Variants in RBP7 observed in about 807,000 individuals in gnomAD.
RBP7 encodes the protein retinoid-binding protein 7.
In RBP7, 13 loss-of-function variants were observed where a neutral mutation model predicts 16.7. The ratio of observed to expected loss-of-function variants is 0.78; its 90% CI spans 0.51 to 1.24. RBP7 has a LOEUF of 1.24. RBP7 is among the 50% of genes most tolerant of loss of function. The pLI, the probability that RBP7 is intolerant of heterozygous loss-of-function variation, is 0.00. For missense variants in RBP7, 145 were observed against 159.5 expected (o/e 0.91, Z 0.49); for synonymous variants, 54 against 56.2 (o/e 0.96, Z 0.17).
At chr1:10,012,378 C>G (rs1195819889) in intron 3 of RBP7, among the ~76,000 whole-genome samples, 2 of 119,506 alleles carry the variant, frequency 1.7e-5, no homozygotes, top group Non-Finnish European at 3.0e-5. Context: ...AAGACTCTGT[C>G]TCCAAAAAAA....
At chr1:10,014,059 C>T (rs950204204) in intron 3 of RBP7, among the ~76,000 whole-genome samples, 1 of 152,006 alleles carries the variant, frequency 6.6e-6, no homozygotes, top group African/African-American at 2.4e-5. Flanking sequence ...TACTGAGGGT[C>T]CTTAGATAGC....
intron 3 of RBP7, among the ~76,000 whole-genome samples, chr1:10,009,411 A>G (rs2101737613): frequency 6.6e-6 from 1 of 152,190 alleles, no homozygotes; most frequent in East Asian, 1.9e-4. Context: ...TCAAAAAAAA[A>G]TAAAACAAAA....
In RBP7 at chr1:9,997,363, G is replaced by A; in HGVS notation, c.73+32G>A. 6.2e-7 allele frequency: 1 copy of A among 1,601,410 alleles called. No homozygotes were observed. Among genetic ancestry groups the A allele is most frequent in the Non-Finnish European group, 8.5e-7 (1 of 1,172,360 alleles). On this transcript the variant is annotated intron_variant, in intron 1 of 3. Coordinates refer to ENST00000294435, the MANE Select transcript of RBP7 (RefSeq NM_052960.3). The surrounding 1 kb of genome is among the most constrained non-coding windows in gnomAD (Gnocchi z 5.9). The stretch of plus-strand genomic sequence containing the variant: ...CGGAGGGGAGGCGGCGGCGGCGCGA[G>A]GCTCGCCGTGGGTCTCGGGATCAGG...
chr1:10,002,029 C>T (rs188107733), intron 1 of RBP7, among the ~76,000 whole-genome samples: 4 of 151,776 alleles, frequency 2.6e-5, no homozygotes, highest in Admixed American at 2.0e-4. Context: ...GGTTTCACCA[C>T]GTTGGCCAGG....
In RBP7 at chr1:10,008,130, A is replaced by T. The variant is rs951863268; in HGVS notation, c.253-43A>T. On this transcript the variant is annotated intron_variant, in intron 2 of 3. Transcript: ENST00000294435. The stretch of plus-strand genomic sequence containing the variant: ...GCATTCTACTTCGTAACACTTGAGG[A>T]TCCTGCCAGGACAAGCTAACATTTT... 13 of 1,286,544 alleles carry T rather than the reference A, an allele frequency of 1.0e-5. No individual in the cohort carries two copies. The Admixed American group carries it at 2.2e-4, about 22-fold the overall frequency. The allele number at this position is 1,286,544 out of a possible 1,614,324, so 79.7% of individuals were successfully genotyped here.
At chr1:10,000,276 A>C (rs1274965267) in intron 1 of RBP7, among the ~76,000 whole-genome samples, 1 of 151,696 alleles carries the variant, frequency 6.6e-6, no homozygotes, top group East Asian at 1.9e-4. Context: ...TCACGCCTAT[A>C]ATCCCAGCAC....
In RBP7 at chr1:10,015,918, T is replaced by C; in HGVS notation, c.*86T>C. ...CTGAACAGACGTTTATCTATCCCATTTGGCGACGAGGACTCGTGGCTGGAG... is the reference window on the plus strand; with the variant it reads ...CTGAACAGACGTTTATCTATCCCATCTGGCGACGAGGACTCGTGGCTGGAG... On this transcript the variant is annotated 3_prime_UTR_variant, in exon 4 of 4. Coordinates refer to ENST00000294435, the MANE Select transcript of RBP7 (RefSeq NM_052960.3). 1 of 1,332,036 alleles carries C rather than the reference T, an allele frequency of 7.5e-7. No individual in the cohort carries two copies. Among genetic ancestry groups the C allele is most frequent in the South Asian group, 1.2e-5 (1 of 84,356 alleles). 82.5% of individuals were successfully genotyped at this position (1,332,036 alleles called of 1,614,324 possible).
At chr1:10,014,704 T>C (rs981505632) in intron 3 of RBP7, among the ~76,000 whole-genome samples, 22 of 152,132 alleles carry the variant, frequency 1.4e-4, no homozygotes, top group Admixed American at 1.4e-3. Context: ...TCTGAGTTGT[T>C]TATTTTATAA....
In RBP7 at chr1:10,007,556, A is replaced by G. The variant is rs1642481354; in HGVS notation, c.74-14A>G. On this transcript the variant is annotated splice_polypyrimidine_tract_variant and intron_variant, in intron 1 of 3. Coordinates refer to ENST00000294435, the MANE Select transcript of RBP7 (RefSeq NM_052960.3). ...CAAGCGAATGTTCAAATATTTTTAA[A>G]AATTATTTTTAAGGTATTGACTTTG... The G allele has an allele frequency of 6.5e-7, 1 of 1,537,064 alleles. No homozygotes were observed. Among genetic ancestry groups the G allele is most frequent in the African/African-American group, 1.4e-5 (1 of 70,868 alleles).
intron 1 of RBP7, among the ~76,000 whole-genome samples, chr1:9,998,540 C>T (rs535594288): frequency 2.0e-4 from 30 of 151,136 alleles, no homozygotes; most frequent in African/African-American, 4.9e-4. Context: ...CTCCGAGTAG[C>T]TGGGACTATA....
chr1:10,012,939 C>CAAAAAAAAAAAA (rs760583223), intron 3 of RBP7, among the ~76,000 whole-genome samples: 1 of 71,368 alleles, frequency 1.4e-5, no homozygotes, highest in African/African-American at 4.6e-5. Flanking sequence ...GAAACTGTCT[C>CAAAAAAAAAAAA]AAAAAAAAAA....
intron 1 of RBP7, among the ~76,000 whole-genome samples, chr1:9,999,844 G>A (rs1212962862): frequency 7.7e-6 from 1 of 129,676 alleles, no homozygotes; most frequent in Non-Finnish European, 1.6e-5. Flanking sequence ...TTTAGATGGA[G>A]TCTGGCTCTA....
chr1:10,004,864 A>C (rs574489074), intron 1 of RBP7, among the ~76,000 whole-genome samples: 1 of 152,250 alleles, frequency 6.6e-6, no homozygotes, highest in South Asian at 2.1e-4. Context: ...GTGGTGGCAC[A>C]TGCCTGTAGC....
At position 9,997,326 on chromosome 1, in the gene RBP7, C is replaced by T. The variant is rs2101729010; in HGVS notation, c.68C>T (p.Ala23Val). Residue 23 changes from alanine to valine, a missense_variant, in exon 1 of 4, where the codon GCC becomes GTC. Ala to Val is a moderately conservative substitution (Grantham distance 64). Coordinates refer to ENST00000294435, the MANE Select transcript of RBP7 (RefSeq NM_052960.3). This position sits in a 1 kb window ranked among gnomAD's most constrained non-coding sequence, Gnocchi z 5.9. ...SSDNFEGYML[A>V]LGIDFATRKI... is the part of the protein sequence containing the mutation. The stretch of plus-strand genomic sequence containing the variant: ...GACAACTTCGAGGGCTACATGCTGG[C>T]CCTAGGTAAGGCGGAGGGGAGGCGG... The T allele has an allele frequency of 6.2e-7, 1 of 1,610,974 alleles. No homozygotes were observed. Among genetic ancestry groups the T allele is most frequent in the Non-Finnish European group, 8.5e-7 (1 of 1,178,970 alleles).
In RBP7 at chr1:10,007,552, T is replaced by C; in HGVS notation, c.74-18T>C. 1 of 1,526,698 alleles carries C rather than the reference T, an allele frequency of 6.6e-7. No homozygotes were observed. The highest frequency in any genetic ancestry group is 8.8e-7 in the Non-Finnish European group (1 of 1,134,712). The allele number at this position is 1,526,698 out of a possible 1,614,324, so 94.6% of individuals were successfully genotyped here. ...ATCTCAAGCGAATGTTCAAATATTT[T>C]TAAAAATTATTTTTAAGGTATTGAC... On this transcript the variant is annotated intron_variant, in intron 1 of 3. Transcript: ENST00000294435.
chr1:9,998,703 G>A (rs557099917), intron 1 of RBP7, among the ~76,000 whole-genome samples: 6 of 151,944 alleles, frequency 3.9e-5, no homozygotes, highest in Admixed American at 2.0e-4. Flanking sequence ...GCACCGCACC[G>A]GCCAATTTTT....
chr1:10,010,812 G>A (rs193294040), intron 3 of RBP7, among the ~76,000 whole-genome samples: 2,917 of 151,644 alleles, frequency 0.019, 51 homozygotes, highest in Non-Finnish European at 0.031. Context: ...TTGAACTCCC[G>A]ACCTCAGGTG....
At position 10,006,764 on chromosome 1, in the gene RBP7, T is replaced by TATAG. The variant is rs1325127839; in HGVS notation, c.74-805_74-804insTAGA. ...GTGTGTGTGTGTGTATATATATATA[T>TATAG]AGAGAGAGAGAGAGAGAGAGGTATA... On this transcript the variant is annotated intron_variant, in intron 1 of 3. Transcript: ENST00000294435. Among the ~76,000 whole-genome samples the TATAG allele has an allele frequency of 1.6e-3, 231 of 141,518 alleles. 2 individuals are homozygous for TATAG. Among genetic ancestry groups the TATAG allele is most frequent in the African/African-American group, 5.4e-3 (196 of 36,550 alleles). The allele number at this position is 141,518 out of a possible 152,430, so 92.8% of individuals were successfully genotyped here.
chr1:10,015,760 T>G, intron 3 of RBP7, 22 bp from the exon 4 acceptor site: 1 of 1,611,260 alleles, frequency 6.2e-7, no homozygotes, highest in East Asian at 2.2e-5. Context: ...TCCTTCTTTT[T>G]CCCTTCCTCC....
Sources: gnomAD v4.1 joint callset for allele counts (sites outside exome capture counted in the v4.1 genomes callset) on GRCh38, gnomAD v4.1.1 for gene constraint, Gnocchi (gnomAD v3.1) non-coding constraint, MANE v1.5 for transcripts, NCBI Gene and HGNC (gene_info 2026-07-23, HGNC 2026-07-21) for gene names.